LMNTD1: variants seen among roughly 807,000 people sequenced by gnomAD.
LMNTD1 encodes the protein lamin tail domain containing 1, also known as lamin tail domain-containing protein 1.
A neutral mutation model predicts 50.9 loss-of-function variants in LMNTD1; 35 were observed. That is an observed-to-expected ratio of 0.69 (90% CI 0.53 to 0.91). The LOEUF (loss-of-function observed/expected upper bound fraction) is 0.91, where lower values mean the gene tolerates loss of function less well. Ranked by LOEUF, LMNTD1 falls within the 40% of genes least tolerant of loss-of-function variation. LMNTD1 has a pLI of 0.00. For synonymous variants in LMNTD1, 153 were observed against 161.9 expected (o/e 0.94, Z 0.42); for missense variants, 470 against 475.5 (o/e 0.99, Z 0.11).
rs138135357 is a variant in LMNTD1, at chr12:25,526,797, A to G, written c.650T>C (p.Ile217Thr). The change falls in exon 5 of 10, where the codon ATC (isoleucine) becomes ACC (threonine). Residue 217 changes from isoleucine to threonine, a missense_variant. Physicochemically the swap from Ile to Thr is moderately conservative, Grantham distance 89. Transcript: ENST00000458174. ...TACTGTGGAATTTGCCTGCATTACGATGTTTGGAAGGAATCGGTACAAAGA... is the reference window on the plus strand; with the variant it reads ...TACTGTGGAATTTGCCTGCATTACGGTGTTTGGAAGGAATCGGTACAAAGA... ...TISLYRFLPN[I>T]VMQANSTVTV... The G allele has an allele frequency of 2.5e-6, 4 of 1,611,042 alleles. No individual in the cohort carries two copies. In the African/African-American group the frequency reaches 5.3e-5, roughly 22 times the overall value.
chr12:25,486,413 A>G (rs1407003366), intron 9 of LMNTD1, among the ~76,000 whole-genome samples: 3 of 151,102 alleles, frequency 2.0e-5, no homozygotes, highest in South Asian at 2.1e-4. Flanking sequence ...GGCTGAGACG[A>G]TGGGGTTTTC....
chr12:25,588,861 T>C (rs184499029), intron 1 of LMNTD1, among the ~76,000 whole-genome samples: 3 of 152,182 alleles, frequency 2.0e-5, no homozygotes, highest in East Asian at 1.9e-4. Context: ...CAGAACTCAA[T>C]GTTCATTAAA....
chr12:25,573,999 C>T (rs111804520), intron 1 of LMNTD1, among the ~76,000 whole-genome samples: 3 of 152,224 alleles, frequency 2.0e-5, no homozygotes, highest in African/African-American at 7.2e-5. Flanking sequence ...GCTTGCCTCT[C>T]CCCTCAAGCC....
At chr12:25,535,513 G>T (rs182625289) in intron 4 of LMNTD1, among the ~76,000 whole-genome samples, 1 of 151,888 alleles carries the variant, frequency 6.6e-6, no homozygotes, top group Non-Finnish European at 1.5e-5. Context: ...TTTACACCAG[G>T]CACATCATAA....
chr12:25,537,198 G>T (rs1942665305), intron 4 of LMNTD1, among the ~76,000 whole-genome samples: 1 of 152,282 alleles, frequency 6.6e-6, no homozygotes, highest in Admixed American at 6.5e-5. Context: ...AAAGCAGCCT[G>T]GAAGCTCGAA....
At chr12:25,567,276 T>A (rs911126573) in intron 1 of LMNTD1, among the ~76,000 whole-genome samples, 2 of 152,192 alleles carry the variant, frequency 1.3e-5, no homozygotes, top group East Asian at 3.9e-4. Context: ...TTTCTTCAGC[T>A]GTTCTATTAT....
At chr12:25,638,391 G>A (rs543590833) in intron 1 of LMNTD1, among the ~76,000 whole-genome samples, 55 of 151,972 alleles carry the variant, frequency 3.6e-4, no homozygotes, top group Admixed American at 5.9e-4. Flanking sequence ...AAAGAAAGAA[G>A]TAGTAGTTTA....
chr12:25,577,436 A>T (rs1464804970), intron 1 of LMNTD1, among the ~76,000 whole-genome samples: 1 of 152,016 alleles, frequency 6.6e-6, no homozygotes, highest in Non-Finnish European at 1.5e-5. Flanking sequence ...TAGGTATTTT[A>T]TTCTCTTTGA....
intron 4 of LMNTD1, among the ~76,000 whole-genome samples, chr12:25,527,611 A>G (rs1941827269): frequency 7.3e-6 from 1 of 136,252 alleles, no homozygotes; most frequent in Non-Finnish European, 1.6e-5. Flanking sequence ...TAATAACAAT[A>G]CCACTTATAT....
intron 1 of LMNTD1, among the ~76,000 whole-genome samples, chr12:25,606,573 G>C (rs1381657050): frequency 6.6e-6 from 1 of 152,132 alleles, no homozygotes; most frequent in Non-Finnish European, 1.5e-5. Flanking sequence ...GGCCTTTTCT[G>C]CATCTATTGA....
At position 25,619,177 on chromosome 12, in the gene LMNTD1, G is replaced by C. The variant is rs143780206; in HGVS notation, c.58+29317C>G. Among the ~76,000 whole-genome samples, 71 of 149,024 alleles carry C rather than the reference G, an allele frequency of 4.8e-4. 2 individuals carry two copies. The East Asian group carries it at 0.014, about 29-fold the overall frequency. On this transcript the variant is annotated intron_variant, in intron 1 of 7. Coordinates refer to the LMNTD1 transcript ENST00000445693. ...ACAGGAGTTTCTCTAGAATATATCT[G>C]TAGAAGTAGAATTGCTGGGTAAGGG...
chr12:25,479,575 G>A (rs995123146), intron 9 of LMNTD1, among the ~76,000 whole-genome samples: 2 of 152,192 alleles, frequency 1.3e-5, no homozygotes, highest in African/African-American at 4.8e-5. Flanking sequence ...TGAATTCCAT[G>A]AGCATGAGCC....
chr12:25,638,557 A>G (rs1946884952), intron 1 of LMNTD1, among the ~76,000 whole-genome samples: 1 of 152,084 alleles, frequency 6.6e-6, no homozygotes, highest in Non-Finnish European at 1.5e-5. Flanking sequence ...ATCCAAAATC[A>G]AAATTAAGAA....
At chr12:25,590,983 G>C (rs1224525406) in intron 1 of LMNTD1, among the ~76,000 whole-genome samples, 2 of 152,130 alleles carry the variant, frequency 1.3e-5, no homozygotes, top group Non-Finnish European at 2.9e-5. Flanking sequence ...CTACAGTTAA[G>C]GCTTAGCACA....
At chr12:25,567,664 TAA>T (rs1456680392) in intron 1 of LMNTD1, among the ~76,000 whole-genome samples, 1 of 151,978 alleles carries the variant, frequency 6.6e-6, no homozygotes, top group African/African-American at 2.4e-5. Flanking sequence ...TCTGGTTGTT[TAA>T]AAGAGTGTGG....
At chr12:25,500,498 G>C (rs967055475) in intron 9 of LMNTD1, among the ~76,000 whole-genome samples, 1 of 152,142 alleles carries the variant, frequency 6.6e-6, no homozygotes, top group African/African-American at 2.4e-5. Context: ...ACTTTTATTA[G>C]GAATGCCTCC....
At chr12:25,548,421 A>G (rs1021530019) in intron 3 of LMNTD1, among the ~76,000 whole-genome samples, 1 of 151,944 alleles carries the variant, frequency 6.6e-6, no homozygotes, top group African/African-American at 2.4e-5. Flanking sequence ...CAATTGAAAC[A>G]CAAACCCCAA....
At chr12:25,535,317 C>T (rs1942506968) in intron 4 of LMNTD1, among the ~76,000 whole-genome samples, 1 of 152,014 alleles carries the variant, frequency 6.6e-6, no homozygotes, top group Non-Finnish European at 1.5e-5. Flanking sequence ...CATTAGTAAA[C>T]TATGGTACAA....
At chr12:25,612,554 T>C (rs1022742680) in intron 1 of LMNTD1, among the ~76,000 whole-genome samples, 1 of 152,124 alleles carries the variant, frequency 6.6e-6, no homozygotes, top group African/African-American at 2.4e-5. Flanking sequence ...TCGCATCAGA[T>C]CTTATTTTTA....
Sources: gnomAD v4.1 joint callset for allele counts (sites outside exome capture counted in the v4.1 genomes callset) on GRCh38, gnomAD v4.1.1 for gene constraint, MANE v1.5 for transcripts, NCBI Gene and HGNC (gene_info 2026-07-23, HGNC 2026-07-21) for gene names.